GPD1L: variants seen among roughly 807,000 people sequenced by gnomAD.
GPD1L encodes the protein glycerol-3-phosphate dehydrogenase 1-like protein.
Under a neutral mutation model 32.9 loss-of-function variants are expected in GPD1L, and 17 were observed. The observed-to-expected ratio is 0.52, with a 90% CI of 0.35 to 0.78. The LOEUF (loss-of-function observed/expected upper bound fraction) is 0.78, where lower values mean the gene tolerates loss of function less well. Ranked by LOEUF, GPD1L falls within the 30% of genes least tolerant of loss-of-function variation. The pLI, the probability that GPD1L is intolerant of heterozygous loss-of-function variation, is 0.01. For missense variants in GPD1L, 361 were observed against 447.8 expected (o/e 0.81, Z 1.75); for synonymous variants, 187 against 165.9 (o/e 1.13, Z -0.98).
intron 2 of GPD1L, among the ~76,000 whole-genome samples, chr3:32,132,149 T>A (rs920611485): frequency 1.3e-5 from 2 of 152,260 alleles, no homozygotes; most frequent in Non-Finnish European, 2.9e-5. Flanking sequence ...CTGTGGGTTT[T>A]CTTTTTACTT....
intron 2 of GPD1L, among the ~76,000 whole-genome samples, chr3:32,132,660 T>G (rs1700602366): frequency 6.6e-6 from 1 of 152,182 alleles, no homozygotes; most frequent in Admixed American, 6.5e-5. Flanking sequence ...CAGGGATATG[T>G]GGGCCCACTC....
intron 4 of GPD1L, among the ~76,000 whole-genome samples, chr3:32,143,167 T>A (rs535065293): frequency 5.9e-4 from 89 of 152,114 alleles, no homozygotes; most frequent in African/African-American, 2.0e-3. Context: ...ATTGCACTCC[T>A]GCCTGGGTGA....
intron 5 of GPD1L, among the ~76,000 whole-genome samples, chr3:32,154,718 G>A (rs1700963312): frequency 1.3e-5 from 2 of 151,064 alleles, no homozygotes; most frequent in Admixed American, 6.6e-5. Context: ...AAGGTTTGCT[G>A]TTGCTATTTT....
chr3:32,123,841 G>GATAGATAA lies in GPD1L; in HGVS notation c.48-4234_48-4233insTAGATAAA, dbSNP rs1559571599. 2.9e-5 allele frequency among the ~76,000 whole-genome samples: 3 copies of GATAGATAA among 102,124 alleles called. No individual in the cohort carries two copies. In the South Asian group the frequency reaches 1.0e-3, roughly 35 times the overall value. The allele number at this position is 102,124 out of a possible 152,430, so 67.0% of individuals were successfully genotyped here. On this transcript the variant is annotated intron_variant, in intron 1 of 7. Transcript: ENST00000282541. ...AGATAGATAGATAGATAGATAGATA[G>GATAGATAA]ACAGACAGATAAGACCCATGCCTGA...
intron 7 of GPD1L, among the ~76,000 whole-genome samples, chr3:32,161,709 G>T (rs145929782): frequency 2.6e-5 from 4 of 152,166 alleles, no homozygotes; most frequent in African/African-American, 9.7e-5. Flanking sequence ...TCAAAAGCAG[G>T]TGTAATCAAG....
chr3:32,107,511 G>T (rs1393603929), intron 1 of GPD1L, among the ~76,000 whole-genome samples: 2 of 152,230 alleles, frequency 1.3e-5, no homozygotes, highest in Non-Finnish European at 2.9e-5. Context: ...AGAGGTGGGG[G>T]TGTGAAGGGG....
At chr3:32,162,867 T>C (rs1701090374) in intron 7 of GPD1L, among the ~76,000 whole-genome samples, 1 of 152,030 alleles carries the variant, frequency 6.6e-6, no homozygotes, top group African/African-American at 2.4e-5. Context: ...TAAGTAATTC[T>C]CTTGCCTCAG....
intron 1 of GPD1L, among the ~76,000 whole-genome samples, chr3:32,127,630 C>T (rs1700529137): frequency 6.6e-6 from 1 of 152,224 alleles, no homozygotes; most frequent in South Asian, 2.1e-4. Context: ...TCTCCCTTTG[C>T]TCCTCTTCTG....
At position 32,140,379 on chromosome 3, in the gene GPD1L, T is replaced by G; in HGVS notation, c.505+13T>G. The G allele has an allele frequency of 6.2e-7, 1 of 1,614,024 alleles. No homozygotes were observed. The highest frequency in any genetic ancestry group is 1.1e-5 in the South Asian group (1 of 91,082). ...GAGACCACCATCGGTAAGCACTGCCTGGGAGGGACCCCAGGAGTCTGGACA... is the reference window on the plus strand; with the variant it reads ...GAGACCACCATCGGTAAGCACTGCCGGGGAGGGACCCCAGGAGTCTGGACA... On this transcript the variant is annotated intron_variant, in intron 4 of 7. Coordinates refer to ENST00000282541, the MANE Select transcript of GPD1L (RefSeq NM_015141.4).
At position 32,166,237 on chromosome 3, in the gene GPD1L, A is replaced by G. The variant is rs892225651; in HGVS notation, c.*327A>G. 1 of 379,166 alleles carries G rather than the reference A, an allele frequency of 2.6e-6. No homozygotes were observed. Among genetic ancestry groups the G allele is most frequent in the African/African-American group, 2.1e-5 (1 of 48,284 alleles). The allele number at this position is 379,166 out of a possible 1,614,324, so 23.5% of individuals were successfully genotyped here. On this transcript the variant is annotated 3_prime_UTR_variant, in exon 8 of 8. Coordinates refer to ENST00000282541, the MANE Select transcript of GPD1L (RefSeq NM_015141.4). ...TAGCTTATAAGATTGGAACGATCTC[A>G]GCCAAATATTTTAGGTGTAATTCAT...
chr3:32,116,723 C>A (rs748969369), intron 1 of GPD1L, among the ~76,000 whole-genome samples: 4 of 152,148 alleles, frequency 2.6e-5, no homozygotes, highest in Non-Finnish European at 4.4e-5. Flanking sequence ...AAAGGAGAAC[C>A]CATCTGTGAG....
At chr3:32,118,641 G>A (rs540577083) in intron 1 of GPD1L, among the ~76,000 whole-genome samples, 2 of 152,042 alleles carry the variant, frequency 1.3e-5, no homozygotes, top group African/African-American at 2.4e-5. Context: ...TTAAGCATAC[G>A]GTTTAGTAGG....
In GPD1L at chr3:32,159,560, T is replaced by C; in HGVS notation, c.853-8T>C. ...GTTTTTTTAAATATATAATCCTTTGTTTTTAAGACCATTGAAGAGTTGGAG... is the reference window on the plus strand; with the variant it reads ...GTTTTTTTAAATATATAATCCTTTGCTTTTAAGACCATTGAAGAGTTGGAG... On this transcript the variant is annotated splice_region_variant and splice_polypyrimidine_tract_variant and intron_variant, in intron 6 of 7. Coordinates refer to ENST00000282541, the MANE Select transcript of GPD1L (RefSeq NM_015141.4). 2 of 1,507,762 alleles carry C rather than the reference T, an allele frequency of 1.3e-6. No homozygotes were observed. The highest frequency in any genetic ancestry group is 1.8e-6 in the Non-Finnish European group (2 of 1,083,252). 93.4% of individuals were successfully genotyped at this position (1,507,762 alleles called of 1,614,324 possible).
Position 32,152,192 on chromosome 3 carries a change from G to A in GPD1L, c.618+5458G>A, listed in dbSNP as rs571436633. 1.7e-3 allele frequency among the ~76,000 whole-genome samples: 266 copies of A among 152,258 alleles called. 2 individuals carry two copies. The highest frequency in any genetic ancestry group is 1.7e-3 in the Non-Finnish European group (118 of 68,024). ...GAAGTCTCAGATTTTGGAGCATTTT[G>A]GATTTTGGATTTTCAGATTAGGAAT... On this transcript the variant is annotated intron_variant, in intron 5 of 7. Transcript: ENST00000282541.
At chr3:32,152,421 C>T (rs1291264083) in intron 5 of GPD1L, among the ~76,000 whole-genome samples, 8 of 152,048 alleles carry the variant, frequency 5.3e-5, no homozygotes, top group African/African-American at 1.2e-4. Flanking sequence ...TTGGCTCATA[C>T]AGTTCTGGAG....
At chr3:32,161,023 T>C (rs2125499166) in intron 7 of GPD1L, among the ~76,000 whole-genome samples, 1 of 152,282 alleles carries the variant, frequency 6.6e-6, no homozygotes, top group South Asian at 2.1e-4. Flanking sequence ...TGTGGCTAAT[T>C]TAGAGCATGA....
chr3:32,144,332 G>T (rs1215525281), intron 4 of GPD1L, among the ~76,000 whole-genome samples: 3 of 151,988 alleles, frequency 2.0e-5, no homozygotes, highest in African/African-American at 7.3e-5. Flanking sequence ...TTCGTTCTTG[G>T]GGCATACCAC....
Position 32,131,390 on chromosome 3 carries a change from A to G in GPD1L, c.225+3137A>G, listed in dbSNP as rs141536562. ...CTTGAAAAGAAACTTGTACCCTTTCATAGTCACCTCCTGTTTTCCCCAGTT... is the reference window on the plus strand; with the variant it reads ...CTTGAAAAGAAACTTGTACCCTTTCGTAGTCACCTCCTGTTTTCCCCAGTT... On this transcript the variant is annotated intron_variant, in intron 2 of 7. Coordinates refer to ENST00000282541, the MANE Select transcript of GPD1L (RefSeq NM_015141.4). Among the ~76,000 whole-genome samples, 372 of 152,312 alleles carry G rather than the reference A, an allele frequency of 2.4e-3. 1 individual carries two copies. The highest frequency in any genetic ancestry group is 8.4e-3 in the African/African-American group (348 of 41,576).
At chr3:32,141,231 A>G (rs1335914240) in intron 4 of GPD1L, among the ~76,000 whole-genome samples, 6 of 152,058 alleles carry the variant, frequency 3.9e-5, no homozygotes, top group Non-Finnish European at 7.4e-5. Flanking sequence ...AGATTCTTAT[A>G]CCTGCCTATA....
Sources: gnomAD v4.1 joint callset for allele counts (sites outside exome capture counted in the v4.1 genomes callset) on GRCh38, gnomAD v4.1.1 for gene constraint, MANE v1.5 for transcripts, NCBI Gene and HGNC (gene_info 2026-07-23, HGNC 2026-07-21) for gene names.